The following FAM178B variants were observed in gnomAD, a reference collection of about 807,000 sequenced individuals.
FAM178B encodes the protein protein FAM178B.
A neutral mutation model predicts 91.7 loss-of-function variants in FAM178B; 82 were observed. The observed-to-expected ratio is 0.89, with a 90% CI of 0.75 to 1.07. FAM178B has a LOEUF of 1.07. Among genes scored for constraint, FAM178B ranks in the 50% least tolerant of loss-of-function variants. FAM178B has a pLI of 0.00. For synonymous variants in FAM178B, 368 were observed against 359.4 expected (o/e 1.02, Z -0.27); for missense variants, 769 against 846.7 (o/e 0.91, Z 1.14).
chr2:96,899,851 CTTTTT>C (rs78433909), intron 13 of FAM178B, among the ~76,000 whole-genome samples: 5 of 113,512 alleles, frequency 4.4e-5, no homozygotes, highest in Admixed American at 1.0e-4. Flanking sequence ...ATTCCCCACT[CTTTTT>C]TTTTTTTTTT....
At chr2:96,902,755 A>G in intron 12 of FAM178B, 48 bp from the exon 13 acceptor site, 1 of 1,415,136 alleles carries the variant, frequency 7.1e-7, no homozygotes, top group Non-Finnish European at 9.8e-7. Context: ...GAAGTCGGGG[A>G]GCCCGAGCAG....
intron 7 of FAM178B, among the ~76,000 whole-genome samples, chr2:96,950,746 T>C (rs533981324): frequency 3.9e-5 from 6 of 152,296 alleles, no homozygotes; most frequent in South Asian, 2.1e-4. Context: ...TGTTCCCCTA[T>C]GGCAAAACGC....
At chr2:96,912,791 G>C (rs1023809599) in intron 12 of FAM178B, among the ~76,000 whole-genome samples, 19 of 152,170 alleles carry the variant, frequency 1.2e-4, no homozygotes, top group African/African-American at 4.1e-4. Context: ...CCTTCCTCCA[G>C]GTTTGGTGCC....
intron 12 of FAM178B, among the ~76,000 whole-genome samples, chr2:96,906,492 G>C (rs72811651): frequency 0.12 from 18,640 of 152,006 alleles, 1,223 homozygotes; most frequent in Middle Eastern, 0.22. Flanking sequence ...CATCGTGGGG[G>C]TGCCCTGACC....
chr2:96,901,362 C>T lies in FAM178B; in HGVS notation c.1650+1258G>A, dbSNP rs1469513867. On this transcript the variant is annotated intron_variant, in intron 13 of 16. Coordinates refer to ENST00000490605, the MANE Select transcript of FAM178B (RefSeq NM_001122646.3). ...TAATTTTTTGTTTTTTTAGTAGAGA[C>T]GGGGTTTCACCATGTTGGTCGGGCT... Among the ~76,000 whole-genome samples, 3 of 151,342 alleles carry T rather than the reference C, an allele frequency of 2.0e-5. No individual in the cohort carries two copies. The East Asian group carries it at 5.8e-4, about 29-fold the overall frequency.
chr2:96,924,654 G>A (rs557442346), intron 9 of FAM178B, among the ~76,000 whole-genome samples: 1 of 152,206 alleles, frequency 6.6e-6, no homozygotes, highest in Admixed American at 6.5e-5. Flanking sequence ...CACCTTCATC[G>A]TATGGCCGAA....
At chr2:96,889,272 G>C (rs1490521394) in intron 14 of FAM178B, among the ~76,000 whole-genome samples, 1 of 152,078 alleles carries the variant, frequency 6.6e-6, no homozygotes, top group East Asian at 1.9e-4. Flanking sequence ...CAACTTCACA[G>C]TCCCCAAATT....
chr2:96,971,055 C>T (rs548101190), intron 3 of FAM178B, among the ~76,000 whole-genome samples: 225 of 152,034 alleles, frequency 1.5e-3, no homozygotes, highest in African/African-American at 5.0e-3. Flanking sequence ...AGACAGCAAA[C>T]AACACCACAT....
At chr2:96,917,493 A>G (rs1382076656) in intron 12 of FAM178B, among the ~76,000 whole-genome samples, 2 of 152,186 alleles carry the variant, frequency 1.3e-5, no homozygotes, top group Non-Finnish European at 2.9e-5. Flanking sequence ...CTAGCAGATG[A>G]AGGAGTGAAG....
chr2:96,892,577 A>G lies in FAM178B; in HGVS notation c.1776+1349T>C, dbSNP rs572465783. ...AGCCTGCTCACTGTCCCTCTTCCCC[A>G]GCTGTTGAAAGAATGTCTTCTGCCA... On this transcript the variant is annotated intron_variant, in intron 14 of 16. Coordinates refer to ENST00000490605, the MANE Select transcript of FAM178B (RefSeq NM_001122646.3). 1.9e-4 allele frequency among the ~76,000 whole-genome samples: 29 copies of G among 152,238 alleles called. No homozygotes were observed. The South Asian group carries it at 5.8e-3, about 31-fold the overall frequency.
At chr2:96,905,848 ATATATATATATATTTTTTTTTTTTTTT>A (rs2081036419) in intron 12 of FAM178B, among the ~76,000 whole-genome samples, 1 of 26,504 alleles carries the variant, frequency 3.8e-5, no homozygotes, top group African/African-American at 1.8e-4. Flanking sequence ...ATATATATAT[ATATATATATATATTTTTTTTTTTTTTT>A]TTTTTTTTTT....
intron 12 of FAM178B, among the ~76,000 whole-genome samples, chr2:96,903,973 C>T (rs781333376): frequency 9.9e-5 from 15 of 152,026 alleles, no homozygotes; most frequent in Non-Finnish European, 2.1e-4. Flanking sequence ...AGCAGCACCG[C>T]ACCCCAGAAG....
intron 14 of FAM178B, among the ~76,000 whole-genome samples, chr2:96,892,435 G>A (rs570658673): frequency 6.6e-6 from 1 of 152,280 alleles, no homozygotes; most frequent in Admixed American, 6.5e-5. Context: ...CGAGCTGCAC[G>A]GTGCCTCCAT....
chr2:96,921,625 C>T lies in FAM178B; in HGVS notation c.1317G>A (p.Pro439=), dbSNP rs150037926. The T allele has an allele frequency of 3.3e-4, 516 of 1,551,542 alleles. 1 individual carries two copies. The African/African-American group carries it at 5.3e-3, about 16-fold the overall frequency. ...KFLALCAQAQ[P]GAYTDENLMG... ...TGAGGTTCTCATCAGTGTAGGCCCCCGGCTGGGCCTGGGCACACAGCGCCA... is the reference window on the plus strand; with the variant it reads ...TGAGGTTCTCATCAGTGTAGGCCCCTGGCTGGGCCTGGGCACACAGCGCCA... Residue 439 remains proline (P), a synonymous_variant, in exon 11 of 17, where the codon CCG becomes CCA. Transcript: ENST00000490605.
chr2:96,883,279 A>G (rs575076762), intron 14 of FAM178B, among the ~76,000 whole-genome samples: 94 of 152,346 alleles, frequency 6.2e-4, no homozygotes, highest in African/African-American at 2.2e-3. Flanking sequence ...GACGAAAGGG[A>G]AAAAGGGTGG....
At chr2:96,917,910 G>A (rs2081268551) in intron 12 of FAM178B, among the ~76,000 whole-genome samples, 1 of 152,048 alleles carries the variant, frequency 6.6e-6, no homozygotes, top group African/African-American at 2.4e-5. Flanking sequence ...TGGCTGTTTG[G>A]GGATGGAAAA....
At chr2:96,937,603 G>C (rs558577890) in intron 8 of FAM178B, among the ~76,000 whole-genome samples, 1 of 152,342 alleles carries the variant, frequency 6.6e-6, no homozygotes, top group East Asian at 1.9e-4. Context: ...GCCTCAGACT[G>C]ATCTCAGAGG....
chr2:96,960,261 C>T lies in FAM178B; in HGVS notation c.887+27G>A, dbSNP rs572245084. On this transcript the variant is annotated intron_variant, in intron 6 of 16. Transcript: ENST00000490605. ...AGGGGTCCTGGACAGGCTGCGCCACCCCCTCACCCCTCCTCCCCACACTTA... is the reference window on the plus strand; with the variant it reads ...AGGGGTCCTGGACAGGCTGCGCCACTCCCTCACCCCTCCTCCCCACACTTA... The T allele has an allele frequency of 3.9e-6, 6 of 1,550,582 alleles. 1 individual carries two copies. In the South Asian group the frequency reaches 6.0e-5, roughly 15 times the overall value.
intron 13 of FAM178B, among the ~76,000 whole-genome samples, chr2:96,900,656 G>C (rs1418754978): frequency 6.6e-6 from 1 of 152,152 alleles, no homozygotes; most frequent in Non-Finnish European, 1.5e-5. Flanking sequence ...CCTTGCAGAG[G>C]TGACATTTTG....
Sources: allele counts gnomAD v4.1 joint callset (sites outside exome capture counted in the v4.1 genomes callset), GRCh38; gene constraint gnomAD v4.1.1; transcripts MANE v1.5; gene names NCBI Gene and HGNC (gene_info 2026-07-23, HGNC 2026-07-21).